The following HPRT1 variants were observed in gnomAD, a reference collection of about 807,000 sequenced individuals.
The protein encoded by HPRT1 is hypoxanthine-guanine phosphoribosyltransferase.
HPRT1 carries 4 observed loss-of-function variants against 19.0 expected under a neutral mutation model. That is an observed-to-expected ratio of 0.21 (90% CI 0.10 to 0.48). The LOEUF (loss-of-function observed/expected upper bound fraction) is 0.48, where lower values mean the gene tolerates loss of function less well. Ranked by LOEUF, HPRT1 falls within the 20% of genes least tolerant of loss-of-function variation. HPRT1 has a pLI of 0.98. For missense variants in HPRT1, 65 were observed against 164.0 expected (o/e 0.40, Z 3.30); for synonymous variants, 53 against 54.9 (o/e 0.97, Z 0.15).
rs771657564 is a variant in HPRT1 at position 134,486,412 on chromosome X, T to C, written c.319-53T>C. 1.2e-5 allele frequency: 8 copies of C among 657,249 alleles called. No homozygotes were observed. The Admixed American group carries it at 1.7e-4, about 14-fold the overall frequency. The allele number at this position is 657,249 out of a possible 1,213,427, so 54.2% of individuals were successfully genotyped here. A position where few individuals can be genotyped will look rare whatever the true frequency, so the allele number is the denominator to read the frequency against. ...GTGTGTGTACATAAGGATATACATA[T>C]ACATATGTGTGTGTAGATATATATA... is the stretch of plus-strand genomic sequence containing the variant. On this transcript the variant is annotated intron_variant, in intron 3 of 8. Transcript: ENST00000298556.
At chrX:134,494,836 GAT>G (rs1440668669) in intron 6 of HPRT1, among the ~76,000 whole-genome samples, 2 of 111,805 alleles carry the variant, frequency 1.8e-5, no homozygotes, top group Non-Finnish European at 3.8e-5. Flanking sequence ...GTGAGCGAGA[GAT>G]TTTGTGTTGC....
chrX:134,468,275 T>C (rs1490600807), intron 1 of HPRT1, among the ~76,000 whole-genome samples: 1 of 111,019 alleles, frequency 9.0e-6, no homozygotes, highest in Non-Finnish European at 1.9e-5. Context: ...TGCATATTAG[T>C]GATAAGGATA....
At chrX:134,474,698 A>G (rs1028666647) in intron 2 of HPRT1, among the ~76,000 whole-genome samples, 2 of 111,388 alleles carry the variant, frequency 1.8e-5, no homozygotes, top group Non-Finnish European at 3.8e-5. Context: ...AATATTGTAT[A>G]TTATCCAAGA....
intron 1 of HPRT1, among the ~76,000 whole-genome samples, chrX:134,461,340 C>T (rs916864744): frequency 8.9e-6 from 1 of 112,106 alleles, no homozygotes; most frequent in Non-Finnish European, 1.9e-5. Flanking sequence ...AAGAGGTCCT[C>T]GATGATGGTT....
intron 2 of HPRT1, among the ~76,000 whole-genome samples, chrX:134,474,743 G>A (rs756973403): frequency 1.5e-3 from 169 of 111,574 alleles, no homozygotes; most frequent in African/African-American, 4.1e-3. Context: ...AGTCTGATAG[G>A]TGAAAATGGT....
chrX:134,476,486 A>ATTGATGGT (rs2077625421), intron 3 of HPRT1, among the ~76,000 whole-genome samples: 1 of 112,207 alleles, frequency 8.9e-6, no homozygotes, highest in Non-Finnish European at 1.9e-5. Context: ...TGATTGATTG[A>ATTGATGGT]TTGATGGTTT....
chrX:134,499,210 G>T (rs1231851446), intron 8 of HPRT1, among the ~76,000 whole-genome samples: 1 of 111,953 alleles, frequency 8.9e-6, no homozygotes, highest in Non-Finnish European at 1.9e-5. Flanking sequence ...TGGTTGCGGT[G>T]GCTCACACCT....
In HPRT1 at chrX:134,500,120, T is replaced by A. The variant is rs745795558; in HGVS notation, c.*43T>A. On this transcript the variant is annotated 3_prime_UTR_variant, in exon 9 of 9. Coordinates refer to ENST00000298556, the MANE Select transcript of HPRT1 (RefSeq NM_000194.3). Reference sequence around the variant, plus strand: ...AGTTTGGAAACATCTGGAGTCCTATTGACATCGCCAGTAAAATTATCAATG... The same window carrying A: ...AGTTTGGAAACATCTGGAGTCCTATAGACATCGCCAGTAAAATTATCAATG... 2 of 883,193 alleles carry A rather than the reference T, an allele frequency of 2.3e-6. No homozygotes were observed. The highest frequency in any genetic ancestry group is 3.4e-6 in the Non-Finnish European group (2 of 595,177). 72.8% of individuals were successfully genotyped at this position (883,193 alleles called of 1,213,427 possible).
intron 4 of HPRT1, among the ~76,000 whole-genome samples, chrX:134,489,125 G>A (rs995762283): frequency 3.6e-5 from 4 of 111,438 alleles, no homozygotes; most frequent in African/African-American, 1.3e-4. Flanking sequence ...ATGAAAAGGT[G>A]GAAGCTTTAC....
intron 5 of HPRT1, among the ~76,000 whole-genome samples, chrX:134,491,985 A>G (rs1490264351): frequency 2.0e-5 from 2 of 99,815 alleles, no homozygotes; most frequent in Non-Finnish European, 4.0e-5. Flanking sequence ...AAATATATAT[A>G]CATATATATA....
At chrX:134,479,051 G>A (rs887595351) in intron 3 of HPRT1, among the ~76,000 whole-genome samples, 1 of 111,462 alleles carries the variant, frequency 9.0e-6, no homozygotes, top group Non-Finnish European at 1.9e-5. Flanking sequence ...TTCAGAAAGT[G>A]AAAGTTAAAT....
At chrX:134,491,162 C>T (rs920224205) in intron 5 of HPRT1, among the ~76,000 whole-genome samples, 1 of 108,812 alleles carries the variant, frequency 9.2e-6, no homozygotes, top group African/African-American at 3.3e-5. Flanking sequence ...TCCCCTTAGC[C>T]ATCACTCCCC....
chrX:134,490,234 AT>A, intron 5 of HPRT1, 29 bp downstream of exon 5: 1 of 909,616 alleles, frequency 1.1e-6, no homozygotes, highest in Non-Finnish European at 1.6e-6. Context: ...TTAATATAAC[AT>A]TTATGACTTT....
At chrX:134,465,081 C>T (rs917536399) in intron 1 of HPRT1, among the ~76,000 whole-genome samples, 6 of 110,068 alleles carry the variant, frequency 5.5e-5, no homozygotes, top group African/African-American at 1.7e-4. Context: ...CCACCACGCC[C>T]AGCTAATTTT....
chrX:134,476,279 A>G (rs17324671), intron 3 of HPRT1, among the ~76,000 whole-genome samples: 14,608 of 111,474 alleles, frequency 0.13, 970 homozygotes, highest in East Asian at 0.42. Flanking sequence ...GTTTACATCA[A>G]TCCTGTAGGT....
intron 1 of HPRT1, among the ~76,000 whole-genome samples, chrX:134,461,551 A>G (rs183658640): frequency 8.9e-6 from 1 of 112,180 alleles, no homozygotes; most frequent in Non-Finnish European, 1.9e-5. Context: ...AAGTCATTTT[A>G]TGTATATCTG....
intron 6 of HPRT1, among the ~76,000 whole-genome samples, chrX:134,495,374 T>C (rs1047240676): frequency 4.5e-5 from 5 of 111,369 alleles, no homozygotes; most frequent in Non-Finnish European, 9.4e-5. Flanking sequence ...TTAATCTCTC[T>C]GAATGTATTT....
chrX:134,480,939 A>G (rs2077637827), intron 3 of HPRT1, among the ~76,000 whole-genome samples: 1 of 108,469 alleles, frequency 9.2e-6, no homozygotes, highest in Non-Finnish European at 1.9e-5. Context: ...TTCTTTGAAC[A>G]TATTAAAAAT....
At chrX:134,488,611 G>A (rs1165428911) in intron 4 of HPRT1, among the ~76,000 whole-genome samples, 7 of 110,930 alleles carry the variant, frequency 6.3e-5, no homozygotes, top group African/African-American at 2.0e-4. Flanking sequence ...TCTTATCCTC[G>A]TTTTTCTCAT....
Sources: gnomAD v4.1 joint callset for allele counts (sites outside exome capture counted in the v4.1 genomes callset) on GRCh38, gnomAD v4.1.1 for gene constraint, MANE v1.5 for transcripts, NCBI Gene and HGNC (gene_info 2026-07-23, HGNC 2026-07-21) for gene names.